The following OLFM3 variants were observed in gnomAD, a reference collection of about 807,000 sequenced individuals.
OLFM3 encodes the protein noelin-3.
In OLFM3, 20 loss-of-function variants were observed where a neutral mutation model predicts 48.6. The observed-to-expected ratio is 0.41, with a 90% CI of 0.29 to 0.60. The LOEUF is 0.60. Ranked by LOEUF, OLFM3 falls within the 20% of genes least tolerant of loss-of-function variation. OLFM3 has a pLI of 0.28. For missense variants in OLFM3, 437 were observed against 544.3 expected, an observed-to-expected ratio of 0.80 and a Z score of 1.96; for synonymous variants, 222 against 198.1, an observed-to-expected ratio of 1.12 and a Z score of -1.01.
At chr1:101,915,139 C>T (rs926039171) in intron 1 of OLFM3, among the ~76,000 whole-genome samples, 1 of 151,956 alleles carries the variant, frequency 6.6e-6, no homozygotes, top group African/African-American at 2.4e-5. Context: ...TACAACATTG[C>T]AGAAAAAGAA....
chr1:101,942,537 T>C (rs146596060), intron 1 of OLFM3, among the ~76,000 whole-genome samples: 64 of 152,342 alleles, frequency 4.2e-4, no homozygotes, highest in African/African-American at 1.5e-3. Flanking sequence ...CCTCTTTGTA[T>C]TTCTCTATTC....
At position 101,851,443 on chromosome 1, in the gene OLFM3, G is replaced by A. The variant is rs1257646623; in HGVS notation, c.70-14418C>T. On this transcript the variant is annotated intron_variant, in intron 1 of 5. Transcript: ENST00000370103. ...TACCACGATTTGAGCCAGCCAAAAG[G>A]AACAGACCAGCTGAAGGAACAATCA... Among the ~76,000 whole-genome samples the A allele has an allele frequency of 2.0e-5, 3 of 152,130 alleles. No homozygotes were observed. In the East Asian group the frequency reaches 5.8e-4, roughly 29 times the overall value.
intron 1 of OLFM3, among the ~76,000 whole-genome samples, chr1:101,969,548 AG>A (rs1265010982): frequency 1.3e-5 from 2 of 152,164 alleles, no homozygotes; most frequent in African/African-American, 4.8e-5. Flanking sequence ...CAAAGTACAT[AG>A]ACTTTTTCCT....
At chr1:101,943,223 A>G (rs1390876078) in intron 1 of OLFM3, among the ~76,000 whole-genome samples, 1 of 152,234 alleles carries the variant, frequency 6.6e-6, no homozygotes, top group Non-Finnish European at 1.5e-5. Context: ...GCCTGAATCA[A>G]TTGGCTGATG....
chr1:101,838,750 G>C (rs148032686), intron 1 of OLFM3, among the ~76,000 whole-genome samples: 13 of 152,174 alleles, frequency 8.5e-5, no homozygotes, highest in Non-Finnish European at 1.6e-4. Flanking sequence ...AAAGTGCTGC[G>C]ACTAAAGCTC....
intron 1 of OLFM3, among the ~76,000 whole-genome samples, chr1:101,908,937 A>G (rs1658647809): frequency 6.6e-6 from 1 of 152,230 alleles, no homozygotes; most frequent in Admixed American, 6.5e-5. Context: ...TTCCAGAACT[A>G]TAAAAGAATA....
At chr1:101,951,850 AT>A (rs1405477630) in intron 1 of OLFM3, among the ~76,000 whole-genome samples, 2 of 152,206 alleles carry the variant, frequency 1.3e-5, no homozygotes, top group Non-Finnish European at 2.9e-5. Flanking sequence ...TAATGAAAGG[AT>A]TGCCACTGCT....
chr1:101,947,376 A>G (rs950649695), intron 1 of OLFM3, among the ~76,000 whole-genome samples: 13 of 152,204 alleles, frequency 8.5e-5, no homozygotes, highest in African/African-American at 2.7e-4. Context: ...ATAGTTGAAG[A>G]GTATATACAA....
chr1:101,939,643 T>C (rs1354403711), intron 1 of OLFM3, among the ~76,000 whole-genome samples: 2 of 152,022 alleles, frequency 1.3e-5, no homozygotes, highest in Non-Finnish European at 2.9e-5. Flanking sequence ...GACAAAGGAG[T>C]AGACTCAATG....
intron 1 of OLFM3, among the ~76,000 whole-genome samples, chr1:101,951,270 G>T (rs1050902274): frequency 1.3e-5 from 2 of 152,192 alleles, no homozygotes; most frequent in Non-Finnish European, 2.9e-5. Context: ...AATGCTGTAT[G>T]ATAATTTATA....
At chr1:101,987,924 G>C (rs1446885637) in intron 1 of OLFM3, among the ~76,000 whole-genome samples, 2 of 151,930 alleles carry the variant, frequency 1.3e-5, no homozygotes, top group East Asian at 1.9e-4. Flanking sequence ...TTTAATTTCT[G>C]ATACTATTTA....
intron 1 of OLFM3, among the ~76,000 whole-genome samples, chr1:101,954,031 G>A (rs77583284): frequency 0.089 from 13,573 of 152,012 alleles, 674 homozygotes; most frequent in South Asian, 0.16. Flanking sequence ...TATGAATCAC[G>A]GTGCTAATAC....
intron 4 of OLFM3, among the ~76,000 whole-genome samples, chr1:101,814,890 G>T (rs1478600178): frequency 6.6e-6 from 1 of 152,138 alleles, no homozygotes; most frequent in African/African-American, 2.4e-5. Context: ...TATTGCAAAG[G>T]CCTTAATACG....
Position 101,842,681 on chromosome 1 carries a change from T to C in OLFM3, c.70-5656A>G, listed in dbSNP as rs192547972. Among the ~76,000 whole-genome samples the C allele has an allele frequency of 4.9e-3, 743 of 152,310 alleles. 5 individuals carry two copies. Among genetic ancestry groups the C allele is most frequent in the African/African-American group, 0.016 (683 of 41,568 alleles). Reference sequence around the variant, plus strand: ...TTCCACACAATGGAACGTCTACAAATTCTCCTTGTGTTTCCATTAGACCTC... The same window carrying C: ...TTCCACACAATGGAACGTCTACAAACTCTCCTTGTGTTTCCATTAGACCTC... On this transcript the variant is annotated intron_variant, in intron 1 of 5. Transcript: ENST00000370103.
At chr1:101,840,557 GC>G (rs1655669897) in intron 1 of OLFM3, among the ~76,000 whole-genome samples, 1 of 150,720 alleles carries the variant, frequency 6.6e-6, no homozygotes, top group Non-Finnish European at 1.5e-5. Context: ...TGCAACCACT[GC>G]CTCCTGAGTT....
chr1:101,917,275 T>C lies in OLFM3; in HGVS notation c.69+79473A>G, dbSNP rs552970789. Among the ~76,000 whole-genome samples the C allele has an allele frequency of 1.7e-3, 257 of 152,326 alleles. 1 individual carries two copies. The highest frequency in any genetic ancestry group is 3.0e-3 in the Non-Finnish European group (204 of 68,026). On this transcript the variant is annotated intron_variant, in intron 1 of 5. Coordinates refer to ENST00000370103, the MANE Select transcript of OLFM3 (RefSeq NM_058170.4). Reference sequence around the variant, plus strand: ...GGTTGAAATAAAATACTGCATAGTTTATGTAAATAAGCACAGATTTTGTTT... The same window carrying C: ...GGTTGAAATAAAATACTGCATAGTTCATGTAAATAAGCACAGATTTTGTTT...
intron 4 of OLFM3, chr1:101,812,542 A>T: frequency 2.0e-6 from 2 of 985,370 alleles, no homozygotes; most frequent in Non-Finnish European, 2.4e-6. Flanking sequence ...CTGAACAAGA[A>T]CTGTCCTTGG....
intron 1 of OLFM3, among the ~76,000 whole-genome samples, chr1:101,914,730 C>T (rs1040914061): frequency 2.6e-5 from 4 of 152,142 alleles, no homozygotes; most frequent in African/African-American, 9.7e-5. Flanking sequence ...CTGCATGCGG[C>T]TCTTTCCAGC....
At chr1:101,976,979 A>G (rs895644772) in intron 1 of OLFM3, among the ~76,000 whole-genome samples, 1 of 152,146 alleles carries the variant, frequency 6.6e-6, no homozygotes, top group Non-Finnish European at 1.5e-5. Flanking sequence ...CTCATGGACA[A>G]CTTCAATATT....
Sources: allele counts gnomAD v4.1 joint callset (sites outside exome capture counted in the v4.1 genomes callset), GRCh38; gene constraint gnomAD v4.1.1; transcripts MANE v1.5; gene names NCBI Gene and HGNC (gene_info 2026-07-23, HGNC 2026-07-21).